VWC2L: variants seen among roughly 807,000 people sequenced by gnomAD.
VWC2L encodes von Willebrand factor C domain containing 2 like.
In VWC2L, 10 loss-of-function variants were observed where a neutral mutation model predicts 21.6. The ratio of observed to expected loss-of-function variants is 0.46; its 90% confidence interval spans 0.29 to 0.78. The LOEUF (loss-of-function observed/expected upper bound fraction) is 0.78. VWC2L is among the 30% of genes least tolerant of loss of function. VWC2L has a pLI of 0.10. For synonymous variants in VWC2L, 96 were observed against 94.3 expected, an observed-to-expected ratio of 1.02 and a Z score of -0.10; for missense variants, 209 against 277.1, an observed-to-expected ratio of 0.75 and a Z score of 1.74.
chr2:214,533,540 G>C (rs927785403), intron 3 of VWC2L, among the ~76,000 whole-genome samples: 1 of 111,284 alleles, frequency 9.0e-6, no homozygotes, highest in African/African-American at 3.3e-5. Flanking sequence ...AGGGCATAGA[G>C]GGGAAAAAGA....
At position 214,576,491 on chromosome 2, in the gene VWC2L, C is replaced by CA. The variant is rs755001810; in HGVS notation, c.*674dup. 6.6e-6 allele frequency: 1 copy of CA among 152,154 alleles called. No homozygotes were observed. Among genetic ancestry groups the CA allele is most frequent in the East Asian group, 1.9e-4 (1 of 5,192 alleles). 9.4% of individuals were successfully genotyped at this position (152,154 alleles called of 1,614,324 possible). A position where few individuals can be genotyped will look rare whatever the true frequency, so the allele number is the denominator to read the frequency against. On this transcript the variant is annotated 3_prime_UTR_variant, in exon 4 of 4. Coordinates refer to ENST00000312504, the MANE Select transcript of VWC2L (RefSeq NM_001080500.4). ...GTGGGGGCTCACAATTTAATTCTTA[C>CA]AAACCACACATTTCATATGGAAAAC...
intron 3 of VWC2L, among the ~76,000 whole-genome samples, chr2:214,522,954 A>C (rs771639762): frequency 1.3e-4 from 20 of 152,196 alleles, no homozygotes; most frequent in Non-Finnish European, 2.8e-4. Flanking sequence ...TATAAGAAGA[A>C]CATGTTGCTT....
At chr2:214,525,043 T>TCAAACA (rs1491138553) in intron 3 of VWC2L, 1 of 116,820 alleles carries the variant, frequency 8.6e-6, no homozygotes, top group Non-Finnish European at 1.9e-5. Flanking sequence ...TCTCTCTGCC[T>TCAAACA]CACACACACA....
At chr2:214,424,075 C>A (rs1702481676) in intron 2 of VWC2L, among the ~76,000 whole-genome samples, 1 of 152,062 alleles carries the variant, frequency 6.6e-6, no homozygotes, top group South Asian at 2.1e-4. Context: ...AGGACTGTTG[C>A]AAAAATTCAG....
chr2:214,451,197 C>A (rs1447213265), intron 3 of VWC2L, among the ~76,000 whole-genome samples: 1 of 151,734 alleles, frequency 6.6e-6, no homozygotes, highest in Non-Finnish European at 1.5e-5. Context: ...TTAACAAGGC[C>A]TCCAGAAATT....
chr2:214,540,127 G>C (rs1439335501), intron 3 of VWC2L, among the ~76,000 whole-genome samples: 1 of 152,092 alleles, frequency 6.6e-6, no homozygotes, highest in Non-Finnish European at 1.5e-5. Context: ...TTATTGAATA[G>C]AACTTACATC....
At chr2:214,569,580 C>T (rs901040297) in intron 3 of VWC2L, among the ~76,000 whole-genome samples, 1 of 152,186 alleles carries the variant, frequency 6.6e-6, no homozygotes, top group African/African-American at 2.4e-5. Flanking sequence ...TATTTGCTCT[C>T]GCAAGCCAAT....
intron 3 of VWC2L, among the ~76,000 whole-genome samples, chr2:214,540,359 G>A (rs527248097): frequency 3.5e-4 from 53 of 152,184 alleles, no homozygotes; most frequent in Middle Eastern, 3.4e-3. Context: ...AGAAGAGTTA[G>A]GCAACATAGG....
At chr2:214,466,026 G>T (rs980459835) in intron 3 of VWC2L, among the ~76,000 whole-genome samples, 25 of 152,212 alleles carry the variant, frequency 1.6e-4, no homozygotes, top group African/African-American at 5.8e-4. Context: ...TGGCATCAAG[G>T]ATTCAAAGCT....
chr2:214,429,413 G>A (rs1002491182), intron 2 of VWC2L, among the ~76,000 whole-genome samples: 1 of 152,048 alleles, frequency 6.6e-6, no homozygotes, highest in African/African-American at 2.4e-5. Context: ...TCAAAACCTC[G>A]ATTTTATATT....
At chr2:214,443,395 A>C (rs1702791051) in intron 3 of VWC2L, among the ~76,000 whole-genome samples, 2 of 152,070 alleles carry the variant, frequency 1.3e-5, no homozygotes, top group African/African-American at 4.8e-5. Context: ...AAAAAACAAA[A>C]AAAAAACCTG....
chr2:214,523,106 T>C (rs1689270039), intron 3 of VWC2L, among the ~76,000 whole-genome samples: 1 of 152,222 alleles, frequency 6.6e-6, no homozygotes, highest in African/African-American at 2.4e-5. Context: ...TAATAACTCC[T>C]CTTTGTTTCA....
At chr2:214,547,755 G>A (rs950562172) in intron 3 of VWC2L, among the ~76,000 whole-genome samples, 1 of 152,118 alleles carries the variant, frequency 6.6e-6, no homozygotes, top group African/African-American at 2.4e-5. Context: ...AATCAAATAA[G>A]GAAAAGCACA....
intron 3 of VWC2L, among the ~76,000 whole-genome samples, chr2:214,555,796 C>T (rs1366294079): frequency 6.6e-6 from 1 of 152,172 alleles, no homozygotes; most frequent in Non-Finnish European, 1.5e-5. Context: ...TATTTATTTG[C>T]TCATTAGTGT....
intron 3 of VWC2L, among the ~76,000 whole-genome samples, chr2:214,538,568 A>G (rs1689574823): frequency 6.7e-6 from 1 of 149,910 alleles, no homozygotes; most frequent in African/African-American, 2.5e-5. Flanking sequence ...AAGAATGCAA[A>G]CAGATTCTCC....
chr2:214,477,568 G>A (rs886067124), intron 3 of VWC2L, among the ~76,000 whole-genome samples: 14 of 152,218 alleles, frequency 9.2e-5, no homozygotes, highest in African/African-American at 2.4e-4. Flanking sequence ...TTGGGAGTGC[G>A]TAGAGCACTT....
chr2:214,447,614 A>G (rs1166101602), intron 3 of VWC2L, among the ~76,000 whole-genome samples: 1 of 152,100 alleles, frequency 6.6e-6, no homozygotes. Context: ...ACAAAAATAA[A>G]AACAAAGCTG....
intron 3 of VWC2L, among the ~76,000 whole-genome samples, chr2:214,461,783 G>GT (rs1703145513): frequency 6.6e-6 from 1 of 152,156 alleles, no homozygotes; most frequent in Non-Finnish European, 1.5e-5. Flanking sequence ...GGAGGTAATG[G>GT]CAGTGGCGGC....
rs1690218728 is a variant in VWC2L, at chr2:214,575,673, T to C, written c.522T>C (p.Gly174=). ...PEQCCPVCKN[G]PNCFAGTTII... is the part of the protein sequence containing the mutation. ...AATCAATGTATCTGTGTGTTTCAGG[T>C]CCAAACTGCTTTGCAGGAACGACGA... The change falls in exon 4 of 4, where the codon GGT becomes GGC. Residue 174 remains glycine, a splice_region_variant and synonymous_variant. Coordinates refer to ENST00000312504, the MANE Select transcript of VWC2L (RefSeq NM_001080500.4). The C allele has an allele frequency of 6.2e-7, 1 of 1,613,192 alleles. No homozygotes were observed. Among genetic ancestry groups the C allele is most frequent in the South Asian group, 1.1e-5 (1 of 91,062 alleles).
Sources: allele counts gnomAD v4.1 joint callset (sites outside exome capture counted in the v4.1 genomes callset), GRCh38; gene constraint gnomAD v4.1.1; transcripts MANE v1.5; gene names NCBI Gene and HGNC (gene_info 2026-07-23, HGNC 2026-07-21).